The following KANK1 variants were observed in gnomAD, a reference collection of about 807,000 sequenced individuals.
The protein encoded by KANK1 is KN motif and ankyrin repeat domain-containing protein 1.
In KANK1, 109 loss-of-function variants were observed where a neutral mutation model predicts 106.2. The ratio of observed to expected loss-of-function variants is 1.03; its 90% CI spans 0.88 to 1.20. The LOEUF is 1.20. Ranked by LOEUF, KANK1 falls within the 50% of genes most tolerant of loss-of-function variation. The pLI, the probability that KANK1 is intolerant of heterozygous loss-of-function variation, is 0.00. For synonymous variants in KANK1, 873 were observed against 652.2 expected (o/e 1.34, Z -5.16); for missense variants, 2,399 against 1,710.7 (o/e 1.40, Z -7.10).
chr9:572,479 G>A (rs1819459829), intron 1 of KANK1, among the ~76,000 whole-genome samples: 1 of 152,058 alleles, frequency 6.6e-6, no homozygotes, highest in Non-Finnish European at 1.5e-5. Context: ...GTGAACCTGG[G>A]AGGTGGAGCT....
chr9:597,877 G>A (rs763474068), intron 1 of KANK1, among the ~76,000 whole-genome samples: 2 of 151,458 alleles, frequency 1.3e-5, no homozygotes, highest in African/African-American at 2.4e-5. Context: ...TGTTGGCCAG[G>A]CTATCTTGAA....
chr9:529,294 C>CTT (rs774768030), intron 1 of KANK1, among the ~76,000 whole-genome samples: 2 of 144,866 alleles, frequency 1.4e-5, no homozygotes, highest in African/African-American at 2.5e-5. Flanking sequence ...CATATATACA[C>CTT]TTTTTTTTTT....
chr9:498,688 ATTAGTC>A (rs1418784119), intron 3 of KANK1, among the ~76,000 whole-genome samples: 1 of 152,226 alleles, frequency 6.6e-6, no homozygotes, highest in African/African-American at 2.4e-5. Context: ...TCTCAACATA[ATTAGTC>A]TTAGAGAAAA....
intron 1 of KANK1, among the ~76,000 whole-genome samples, chr9:606,631 TATATATATTAC>T (rs1276960925): frequency 1.9e-4 from 13 of 67,132 alleles, no homozygotes; most frequent in Non-Finnish European, 6.5e-4. Context: ...TTTATATATT[TATATATATTAC>T]ATATATATAT....
chr9:696,027 T>G (rs1821179253), intron 2 of KANK1, among the ~76,000 whole-genome samples: 1 of 152,068 alleles, frequency 6.6e-6, no homozygotes, highest in Non-Finnish European at 1.5e-5. Flanking sequence ...GCGCGGTGGC[T>G]CATGCCTGTA....
At chr9:580,559 C>T (rs930390286) in intron 1 of KANK1, among the ~76,000 whole-genome samples, 2 of 152,206 alleles carry the variant, frequency 1.3e-5, no homozygotes, top group African/African-American at 4.8e-5. Flanking sequence ...CTCCAAGTCC[C>T]CACTAGATCA....
intron 1 of KANK1, among the ~76,000 whole-genome samples, chr9:598,891 C>G (rs1221356233): frequency 6.6e-6 from 1 of 150,422 alleles, no homozygotes; most frequent in Non-Finnish European, 1.5e-5. Flanking sequence ...CTCCATCTCC[C>G]AAAGTGCTAG....
Position 662,541 on chromosome 9 carries a change from A to G in KANK1, c.-83-14349A>G, listed in dbSNP as rs887725199. ...AACACCACACATCTACAACCATCTG[A>G]TCTTTGACAAACACAAGAAATGAAG... On this transcript the variant is annotated intron_variant, in intron 1 of 11. Coordinates refer to ENST00000382297, the MANE Select transcript of KANK1 (RefSeq NM_015158.5). 3.0e-4 allele frequency among the ~76,000 whole-genome samples: 24 copies of G among 81,034 alleles called. 1 individual carries two copies. The highest frequency in any genetic ancestry group is 4.9e-4 in the Non-Finnish European group (20 of 40,768). 53.2% of individuals were successfully genotyped at this position (81,034 alleles called of 152,430 possible).
intron 9 of KANK1, 129 bp from the exon 10 acceptor site, chr9:742,073 CAAG>C: frequency 3.9e-6 from 3 of 762,182 alleles, no homozygotes; most frequent in Non-Finnish European, 6.6e-6. Flanking sequence ...CCACCTGCCC[CAAG>C]TAGTTCCATC....
At chr9:565,378 C>T (rs1202973381) in intron 1 of KANK1, among the ~76,000 whole-genome samples, 5 of 152,206 alleles carry the variant, frequency 3.3e-5, no homozygotes, top group African/African-American at 1.2e-4. Flanking sequence ...TTAAGGATGT[C>T]TTCTGCAGAG....
Position 693,696 on chromosome 9 carries a change from A to G in KANK1, c.37+16687A>G, listed in dbSNP as rs1588966847. 3 of 985,204 alleles carry G rather than the reference A, an allele frequency of 3.0e-6. No homozygotes were observed. The South Asian group carries it at 1.4e-4, about 46-fold the overall frequency. 61.0% of individuals were successfully genotyped at this position (985,204 alleles called of 1,614,324 possible). On this transcript the variant is annotated intron_variant, in intron 2 of 11. Transcript: ENST00000382297. ...ACAGCTCCTGGGCTCTTTGCCTGCT[A>G]ATGTGTGGAGTCCCTTTAATGCTGA...
intron 1 of KANK1, among the ~76,000 whole-genome samples, chr9:508,034 C>A (rs546724903): frequency 6.3e-4 from 91 of 144,408 alleles, no homozygotes; most frequent in African/African-American, 2.2e-3. Context: ...GTTGGCCAGG[C>A]TGGTCTTGAA....
At chr9:555,861 G>T (rs1438854274) in intron 1 of KANK1, among the ~76,000 whole-genome samples, 1 of 152,096 alleles carries the variant, frequency 6.6e-6, no homozygotes, top group Admixed American at 6.6e-5. Context: ...TAAAGATGCC[G>T]ACAACCCCTT....
intron 1 of KANK1, among the ~76,000 whole-genome samples, chr9:510,756 T>G (rs541910162): frequency 7.3e-4 from 111 of 152,322 alleles, no homozygotes; most frequent in African/African-American, 2.6e-3. Context: ...GAAAGCTGTT[T>G]GGTACATTCA....
intron 2 of KANK1, among the ~76,000 whole-genome samples, chr9:706,164 A>G (rs1824105425): frequency 6.6e-6 from 1 of 152,164 alleles, no homozygotes; most frequent in African/African-American, 2.4e-5. Context: ...TTACTTTTTT[A>G]CTTGCTGGAG....
chr9:676,976 G>A lies in KANK1; in HGVS notation c.4G>A (p.Ala2Thr). The change falls in exon 2 of 12, where the codon GCT (alanine) becomes ACT (threonine). Residue 2 changes from alanine to threonine, a missense_variant. Coordinates refer to ENST00000382297, the MANE Select transcript of KANK1 (RefSeq NM_015158.5). ...CTCTCATTGGACTCAAGCCAGCATG[G>A]CTCACACCACAAAGGTTAACGGCAG... MAHTTKVNGSAS... is the reference protein window; with the variant it reads MTHTTKVNGSAS... 6.2e-7 allele frequency: 1 copy of A among 1,613,682 alleles called. No individual in the cohort carries two copies. The highest frequency in any genetic ancestry group is 8.5e-7 in the Non-Finnish European group (1 of 1,179,746).
rs772854810 is a variant in KANK1 at position 711,790 on chromosome 9, G to A, written c.1024G>A (p.Gly342Ser). The stretch of plus-strand genomic sequence containing the variant: ...ACAGCTCTCCCGGGCCCGAAGAAGT[G>A]GCGGGGAATTATACATTGACTATGA... ...LEQLSRARRS[G>S]GELYIDYEEE... Residue 342 changes from glycine to serine, a missense_variant, in exon 3 of 12, where the codon GGC becomes AGC. Gly to Ser is a moderately conservative substitution (Grantham distance 56, BLOSUM62 0). Transcript: ENST00000382297. 2 of 1,614,144 alleles carry A rather than the reference G, an allele frequency of 1.2e-6. No individual in the cohort carries two copies. The highest frequency in any genetic ancestry group is 1.6e-4 in the Middle Eastern group (1 of 6,062).
intron 8 of KANK1, 44 bp downstream of exon 8, chr9:738,548 G>C (rs1834430152): frequency 6.7e-7 from 1 of 1,481,800 alleles, no homozygotes; most frequent in South Asian, 1.1e-5. Context: ...AACAGTACTT[G>C]GGTTGTGACT....
In KANK1 at chr9:581,196, C is replaced by G. The variant is rs539455242; in HGVS notation, c.-84+76442C>G. Among the ~76,000 whole-genome samples the G allele has an allele frequency of 2.0e-5, 3 of 152,326 alleles. No individual in the cohort carries two copies. The South Asian group carries it at 6.2e-4, about 32-fold the overall frequency. On this transcript the variant is annotated intron_variant, in intron 1 of 11. Transcript: ENST00000382297. Reference sequence around the variant, plus strand: ...GCAAGCAGAGGGAGCCGGCTCCGGCCTCGGCCAGCCCAGAGAGGGGCTCCC... The same window carrying G: ...GCAAGCAGAGGGAGCCGGCTCCGGCGTCGGCCAGCCCAGAGAGGGGCTCCC...
Sources: gnomAD v4.1 joint callset for allele counts (sites outside exome capture counted in the v4.1 genomes callset) on GRCh38, gnomAD v4.1.1 for gene constraint, MANE v1.5 for transcripts, NCBI Gene and HGNC (gene_info 2026-07-23, HGNC 2026-07-21) for gene names.